GFRAL: variants seen among roughly 807,000 people sequenced by gnomAD.
The protein encoded by GFRAL is GDNF family receptor alpha-like.
A neutral mutation model predicts 45.4 loss-of-function variants in GFRAL; 36 were observed. That is an observed-to-expected ratio of 0.79 (90% CI 0.61 to 1.05). GFRAL has a LOEUF of 1.05. GFRAL is among the 50% of genes least tolerant of loss of function. The probability of loss-of-function intolerance (pLI) is 0.00; values close to 1 mark genes in which losing one functional copy is unlikely to be tolerated. For missense variants in GFRAL, 507 were observed against 467.5 expected (o/e 1.08, Z -0.78); for synonymous variants, 166 against 154.1 (o/e 1.08, Z -0.57).
At chr6:55,356,818 G>A (rs1196295153) in intron 5 of GFRAL, among the ~76,000 whole-genome samples, 1 of 151,602 alleles carries the variant, frequency 6.6e-6, no homozygotes, top group Non-Finnish European at 1.5e-5. Context: ...CTTTTTTGAT[G>A]TAGGTGCTTA....
At chr6:55,401,692 T>C in intron 8 of GFRAL, 98 bp from the exon 9 acceptor site, 1 of 747,698 alleles carries the variant, frequency 1.3e-6, no homozygotes, top group Non-Finnish European at 2.4e-6. Context: ...AGTTTTTTCC[T>C]CCAGGTGCAG....
chr6:55,329,182 G>C (rs1767800211), intron 1 of GFRAL, among the ~76,000 whole-genome samples: 1 of 152,024 alleles, frequency 6.6e-6, no homozygotes, highest in African/African-American at 2.4e-5. Context: ...CTTGATTCTT[G>C]TGGACCAAAT....
At chr6:55,384,390 A>G (rs1768653083) in intron 6 of GFRAL, among the ~76,000 whole-genome samples, 2 of 152,134 alleles carry the variant, frequency 1.3e-5, no homozygotes, top group Admixed American at 6.6e-5. Context: ...TTCCAGAGGC[A>G]TTAGTATCAA....
intron 6 of GFRAL, among the ~76,000 whole-genome samples, chr6:55,397,524 C>CAAAAAAAAAAAAAAAAAAAAA: frequency 1.5e-5 from 1 of 67,414 alleles, no homozygotes; most frequent in Non-Finnish European, 2.7e-5. Flanking sequence ...GACTCCGTCT[C>CAAAAAAAAAAAAAAAAAAAAA]AAAAAAAAAA....
In GFRAL at chr6:55,399,195, C is replaced by A; in HGVS notation, c.968C>A (p.Ser323Tyr). 6.3e-7 allele frequency: 1 copy of A among 1,581,136 alleles called. No individual in the cohort carries two copies. Among genetic ancestry groups the A allele is most frequent in the Non-Finnish European group, 8.6e-7 (1 of 1,157,608 alleles). Residue 323 changes from serine (S) to tyrosine (Y), a missense_variant, in exon 7 of 9, where the codon TCT becomes TAT. Physicochemically the swap from Ser to Tyr is moderately radical, Grantham distance 144. Transcript: ENST00000340465. ...RKSCFNYPTLSNVKGMALYTR... is the reference protein window; with the variant it reads ...RKSCFNYPTLYNVKGMALYTR... ...TTTCTTTCAGATTATCCAACCCTGT[C>A]TAATGTCAAAGGCATGGCATTGTAT...
intron 6 of GFRAL, among the ~76,000 whole-genome samples, chr6:55,391,021 A>C (rs1347347205): frequency 6.6e-6 from 1 of 152,056 alleles, no homozygotes; most frequent in Non-Finnish European, 1.5e-5. Context: ...AAAAAATATA[A>C]TCTATCGCAA....
At chr6:55,334,333 A>G (rs1010958102) in intron 3 of GFRAL, among the ~76,000 whole-genome samples, 1 of 152,200 alleles carries the variant, frequency 6.6e-6, no homozygotes, top group Non-Finnish European at 1.5e-5. Flanking sequence ...ATAAGATATT[A>G]TCTTTGTTGT....
At chr6:55,398,489 A>C (rs1768855289) in intron 6 of GFRAL, among the ~76,000 whole-genome samples, 1 of 152,230 alleles carries the variant, frequency 6.6e-6, no homozygotes, top group Admixed American at 6.5e-5. Context: ...CCTAAAAGAG[A>C]TCTATCAGTT....
intron 5 of GFRAL, among the ~76,000 whole-genome samples, chr6:55,351,903 AT>A (rs372969942): frequency 0.028 from 4,225 of 150,174 alleles, 70 homozygotes; most frequent in African/African-American, 0.04. Context: ...CAGCTTTTTA[AT>A]TTTTTTTTTG....
chr6:55,351,608 C>T lies in GFRAL; in HGVS notation c.701+25C>T, dbSNP rs202116103. 77 of 1,547,490 alleles carry T rather than the reference C, an allele frequency of 5.0e-5. No individual in the cohort carries two copies. In the African/African-American group the frequency reaches 9.8e-4, roughly 20 times the overall value. ...GGTGGGTAAAAACACTCATACCTTA[C>T]TTTCTTATTTCGGCACCTTATTTGT... On this transcript the variant is annotated intron_variant, in intron 5 of 8. Transcript: ENST00000340465.
intron 4 of GFRAL, among the ~76,000 whole-genome samples, chr6:55,351,043 T>C (rs1479400283): frequency 2.0e-5 from 3 of 152,140 alleles, no homozygotes; most frequent in African/African-American, 7.2e-5. Context: ...TCACAATGTG[T>C]ATCCTGTATA....
Position 55,344,289 on chromosome 6 carries a change from A to G in GFRAL, c.317-5803A>G, listed in dbSNP as rs9475251. Among the ~76,000 whole-genome samples, 1,367 of 152,332 alleles carry G rather than the reference A, an allele frequency of 9.0e-3. 17 individuals are homozygous for G. Among genetic ancestry groups the G allele is most frequent in the African/African-American group, 0.032 (1,310 of 41,562 alleles). ...ATGAACATTGATGCAAAAATCCTCA[A>G]TAAAATACTGGCAAACCGAATCCAG... On this transcript the variant is annotated intron_variant, in intron 3 of 8. Transcript: ENST00000340465.
At chr6:55,383,595 C>T (rs1282646123) in intron 6 of GFRAL, among the ~76,000 whole-genome samples, 1 of 151,956 alleles carries the variant, frequency 6.6e-6, no homozygotes, top group East Asian at 1.9e-4. Flanking sequence ...CTGTAGTAGG[C>T]TATACCACCT....
At chr6:55,355,599 G>A (rs1562054305) in intron 5 of GFRAL, among the ~76,000 whole-genome samples, 1 of 151,942 alleles carries the variant, frequency 6.6e-6, no homozygotes, top group African/African-American at 2.4e-5. Context: ...TACTGAATTT[G>A]TTGATCAGTT....
intron 3 of GFRAL, among the ~76,000 whole-genome samples, chr6:55,345,354 T>A (rs948009753): frequency 2.0e-5 from 3 of 151,884 alleles, no homozygotes; most frequent in Admixed American, 6.6e-5. Flanking sequence ...AGATATAGAC[T>A]AATGGAACAG....
chr6:55,364,678 C>T (rs1383696645), intron 6 of GFRAL, among the ~76,000 whole-genome samples: 1 of 151,388 alleles, frequency 6.6e-6, no homozygotes, highest in African/African-American at 2.4e-5. Context: ...TTTCCCAGCA[C>T]CATTTAATAA....
At chr6:55,370,610 G>A (rs887258078) in intron 6 of GFRAL, among the ~76,000 whole-genome samples, 1 of 152,092 alleles carries the variant, frequency 6.6e-6, no homozygotes, top group Non-Finnish European at 1.5e-5. Flanking sequence ...ATTCTCTAGG[G>A]AGCAGTTCTC....
chr6:55,367,845 C>A (rs911216195), intron 6 of GFRAL, among the ~76,000 whole-genome samples: 4 of 151,808 alleles, frequency 2.6e-5, no homozygotes, highest in South Asian at 4.2e-4. Context: ...TTGAGGGTAA[C>A]CCGACCTTTC....
chr6:55,381,871 T>C (rs907564543), intron 6 of GFRAL, among the ~76,000 whole-genome samples: 7 of 151,910 alleles, frequency 4.6e-5, no homozygotes, highest in Non-Finnish European at 1.0e-4. Flanking sequence ...CAGATATACA[T>C]ACACGTATAC....
Sources: gnomAD v4.1 joint callset for allele counts (sites outside exome capture counted in the v4.1 genomes callset) on GRCh38, gnomAD v4.1.1 for gene constraint, MANE v1.5 for transcripts, NCBI Gene and HGNC (gene_info 2026-07-23, HGNC 2026-07-21) for gene names.